Variants in DAW1 observed in about 807,000 individuals in gnomAD.
The protein encoded by DAW1 is dynein assembly factor with WD repeats 1.
A neutral mutation model predicts 56.5 loss-of-function variants in DAW1; 47 were observed. That is an observed-to-expected ratio of 0.83 (90% confidence interval 0.66 to 1.06). The LOEUF (loss-of-function observed/expected upper bound fraction) is 1.06, where lower values mean the gene tolerates loss of function less well. Ranked by LOEUF, DAW1 falls within the 50% of genes least tolerant of loss-of-function variation. The pLI, the probability that DAW1 is intolerant of heterozygous loss-of-function variation, is 0.00. For missense variants in DAW1, 505 were observed against 499.3 expected, an observed-to-expected ratio of 1.01 and a Z score of -0.11; for synonymous variants, 190 against 179.0, an observed-to-expected ratio of 1.06 and a Z score of -0.49.
intron 1 of DAW1, among the ~76,000 whole-genome samples, chr2:227,873,178 A>G (rs1013210396): frequency 6.6e-6 from 1 of 152,140 alleles, no homozygotes; most frequent in African/African-American, 2.4e-5. Flanking sequence ...TTCTTCATTC[A>G]GTTTCAATCA....
At chr2:227,889,186 T>C (rs1439926324) in intron 2 of DAW1, among the ~76,000 whole-genome samples, 2 of 152,222 alleles carry the variant, frequency 1.3e-5, no homozygotes, top group East Asian at 1.9e-4. Context: ...TGTTCAGAAC[T>C]AGTATGGACT....
At chr2:227,900,416 C>A (rs943434191) in intron 6 of DAW1, among the ~76,000 whole-genome samples, 4 of 152,096 alleles carry the variant, frequency 2.6e-5, no homozygotes, top group Non-Finnish European at 5.9e-5. Flanking sequence ...GGCCTACATG[C>A]TTAGGGTATC....
Position 227,885,434 on chromosome 2 carries a change from T to A in DAW1, c.113+11T>A. The A allele has an allele frequency of 6.3e-7, 1 of 1,590,040 alleles. No individual in the cohort carries two copies. Among genetic ancestry groups the A allele is most frequent in the Non-Finnish European group, 8.5e-7 (1 of 1,170,280 alleles). On this transcript the variant is annotated intron_variant, in intron 2 of 12. Coordinates refer to ENST00000309931, the MANE Select transcript of DAW1 (RefSeq NM_178821.3). ...TGATCTTGGTCCCAGGTAAGTAAGC[T>A]GTAGGATTCAACAAATAAATGTTCA...
In DAW1 at chr2:227,902,674, G is replaced by A. The variant is rs549960874; in HGVS notation, c.541-328G>A. ...TGTGATTGGAAGGACTGTGGTGACAGCAGCAAGGAGAAGGAGAGCCATATA... is the reference window on the plus strand; with the variant it reads ...TGTGATTGGAAGGACTGTGGTGACAACAGCAAGGAGAAGGAGAGCCATATA... On this transcript the variant is annotated intron_variant, in intron 6 of 12. Transcript: ENST00000309931. Among the ~76,000 whole-genome samples, 6 of 152,210 alleles carry A rather than the reference G, an allele frequency of 3.9e-5. No individual in the cohort carries two copies. In the East Asian group the frequency reaches 1.2e-3, roughly 29 times the overall value.
chr2:227,903,636 A>G (rs1253876060), intron 7 of DAW1, among the ~76,000 whole-genome samples: 1 of 127,986 alleles, frequency 7.8e-6, no homozygotes. Flanking sequence ...GCCATCTGTC[A>G]CTCTCCCCTT....
At chr2:227,908,295 C>T (rs1691734080) in intron 10 of DAW1, among the ~76,000 whole-genome samples, 1 of 152,204 alleles carries the variant, frequency 6.6e-6, no homozygotes, top group Non-Finnish European at 1.5e-5. Flanking sequence ...ATATCTGCAT[C>T]ATATCCTTGA....
In DAW1 at chr2:227,898,478, G is replaced by GC. The variant is rs1390501062; in HGVS notation, c.540+201dup. Among the ~76,000 whole-genome samples the GC allele has an allele frequency of 7.2e-5, 11 of 151,896 alleles. No homozygotes were observed. The East Asian group carries it at 2.1e-3, about 29-fold the overall frequency. On this transcript the variant is annotated intron_variant, in intron 6 of 12. Transcript: ENST00000309931. Reference sequence around the variant, plus strand: ...TGGGACTACGGGCGCCCGCCACCACGCCCCGCTAATTTTTTGTATTTTTAG... The same window carrying GC: ...TGGGACTACGGGCGCCCGCCACCACGCCCCCGCTAATTTTTTGTATTTTTAG...
intron 9 of DAW1, 35 bp from the exon 10 acceptor site, chr2:227,907,103 C>CTTTTTTTTTTTTTT (rs370563385): frequency 3.5e-6 from 4 of 1,143,104 alleles, no homozygotes; most frequent in African/African-American, 1.6e-5. Context: ...AAGTCATAGT[C>CTTTTTTTTTTTTTT]TTTTTTTTTT....
At chr2:227,917,138 ATCTATCTGTCTGTCTGTCTGTCTG>A (rs1189321459) in intron 10 of DAW1, among the ~76,000 whole-genome samples, 310 of 98,124 alleles carry the variant, frequency 3.2e-3, no homozygotes, top group African/African-American at 0.012. Flanking sequence ...CTATCTATCT[ATCTATCTGTCTGTCTGTCTGTCTG>A]TCTGTCTGTC....
intron 6 of DAW1, among the ~76,000 whole-genome samples, chr2:227,901,585 A>G (rs1474983515): frequency 6.6e-6 from 1 of 152,178 alleles, no homozygotes; most frequent in Non-Finnish European, 1.5e-5. Flanking sequence ...ATACAAAAAG[A>G]AAAAAGAAAA....
intron 1 of DAW1, among the ~76,000 whole-genome samples, chr2:227,874,450 A>G (rs1159960582): frequency 6.6e-6 from 1 of 152,124 alleles, no homozygotes; most frequent in Non-Finnish European, 1.5e-5. Flanking sequence ...CCACTTTAAG[A>G]TCTCCAATGA....
rs565005042 is a variant in DAW1, at chr2:227,882,301, C to G, written c.41-3050C>G. 1.9e-4 allele frequency among the ~76,000 whole-genome samples: 29 copies of G among 152,282 alleles called. 1 individual carries two copies. The highest frequency in any genetic ancestry group is 5.8e-4 in the African/African-American group (24 of 41,548). ...ATGTTACTTCCTTTTCTACACTGTG[C>G]TGACATTGTCACTAATGGTGCAGAA... On this transcript the variant is annotated intron_variant, in intron 1 of 12. Transcript: ENST00000309931.
Position 227,885,429 on chromosome 2 carries a change from T to A in DAW1, c.113+6T>A. On this transcript the variant is annotated splice_donor_region_variant and intron_variant, in intron 2 of 12. Transcript: ENST00000309931. The stretch of plus-strand genomic sequence containing the variant: ...TTGCTTGATCTTGGTCCCAGGTAAG[T>A]AAGCTGTAGGATTCAACAAATAAAT... The A allele has an allele frequency of 6.3e-7, 1 of 1,596,436 alleles. No homozygotes were observed. The highest frequency in any genetic ancestry group is 8.5e-7 in the Non-Finnish European group (1 of 1,173,080).
intron 12 of DAW1, among the ~76,000 whole-genome samples, 167 bp downstream of exon 12, chr2:227,921,728 G>T (rs1316988232): frequency 6.6e-6 from 1 of 152,106 alleles, no homozygotes; most frequent in African/African-American, 2.4e-5. Context: ...AGTTTTATGA[G>T]GACCCACAGG....
At chr2:227,896,986 T>G (rs988938883) in intron 5 of DAW1, among the ~76,000 whole-genome samples, 1 of 151,078 alleles carries the variant, frequency 6.6e-6, no homozygotes, top group East Asian at 2.0e-4. Context: ...CTTGGGAGGC[T>G]GTGGTAGGAG....
chr2:227,881,632 C>A (rs1189360788), intron 1 of DAW1, among the ~76,000 whole-genome samples: 2 of 151,586 alleles, frequency 1.3e-5, no homozygotes, highest in Non-Finnish European at 2.9e-5. Flanking sequence ...TCTCAACCAG[C>A]AAACTTATAG....
chr2:227,893,748 A>G (rs1347108164), intron 4 of DAW1, 47 bp from the exon 5 acceptor site: 1 of 1,580,198 alleles, frequency 6.3e-7, no homozygotes, highest in Non-Finnish European at 8.6e-7. Flanking sequence ...GTCTTTATTA[A>G]CACACTGCCA....
intron 12 of DAW1, among the ~76,000 whole-genome samples, chr2:227,921,955 C>A (rs1559316817): frequency 6.6e-6 from 1 of 152,142 alleles, no homozygotes; most frequent in African/African-American, 2.4e-5. Context: ...TGCTTGAGGC[C>A]AGCCTGGGCA....
rs1295962456 is a variant in DAW1 at position 227,906,303 on chromosome 2, C to G, written c.823C>G (p.Leu275Val). ...SSASFNWDCSLILTGSMDKTC... is the reference protein window; with the variant it reads ...SSASFNWDCSVILTGSMDKTC... ...TGCCTCATTCAATTGGGATTGCTCT[C>G]TAATATTAACTGGCTCTATGGACAA... The change falls in exon 9 of 13, where the codon CTA (leucine) becomes GTA (valine). Residue 275 changes from leucine (L) to valine (V), a missense_variant. Leu to Val is a conservative substitution (Grantham distance 32). Coordinates refer to ENST00000309931, the MANE Select transcript of DAW1 (RefSeq NM_178821.3). 1.2e-6 allele frequency: 2 copies of G among 1,612,342 alleles called. No homozygotes were observed. Among genetic ancestry groups the G allele is most frequent in the Middle Eastern group, 1.7e-4 (1 of 6,056 alleles).
Sources: allele counts gnomAD v4.1 joint callset (sites outside exome capture counted in the v4.1 genomes callset), GRCh38; gene constraint gnomAD v4.1.1; transcripts MANE v1.5; gene names NCBI Gene and HGNC (gene_info 2026-07-23, HGNC 2026-07-21).